CC2D1A: variants seen among roughly 807,000 people sequenced by gnomAD.
CC2D1A encodes coiled-coil and C2 domain-containing protein 1A.
CC2D1A carries 68 observed loss-of-function variants against 123.8 expected under a neutral mutation model. The observed-to-expected ratio is 0.55, with a 90% confidence interval of 0.45 to 0.67. The LOEUF is 0.67. CC2D1A is among the 30% of genes least tolerant of loss of function. The probability of loss-of-function intolerance (pLI) is 0.00; values close to 1 mark genes in which losing one functional copy is unlikely to be tolerated. For missense variants in CC2D1A, 1,185 were observed against 1,290.3 expected (o/e 0.92, Z 1.25); for synonymous variants, 477 against 528.0 (o/e 0.90, Z 1.32).
chr19:13,906,412 G>C lies in CC2D1A; in HGVS notation c.-30G>C. 1 of 1,505,174 alleles carries C rather than the reference G, an allele frequency of 6.6e-7. No individual in the cohort carries two copies. The highest frequency in any genetic ancestry group is 1.2e-5 in the South Asian group (1 of 80,462). 93.2% of individuals were successfully genotyped at this position (1,505,174 alleles called of 1,614,324 possible). ...GAGGCAGGGCAAGGCCGGGCTTGGGGGCAGGTGGTCCGGGCATCCAGCCTT... is the reference window on the plus strand; with the variant it reads ...GAGGCAGGGCAAGGCCGGGCTTGGGCGCAGGTGGTCCGGGCATCCAGCCTT... On this transcript the variant is annotated 5_prime_UTR_variant, in exon 1 of 29. Coordinates refer to ENST00000318003, the MANE Select transcript of CC2D1A (RefSeq NM_017721.5). This position sits in a 1 kb window ranked among gnomAD's most constrained non-coding sequence, Gnocchi z 4.1.
chr19:13,926,065 T>TACACACAC (rs111396032), intron 17 of CC2D1A, among the ~76,000 whole-genome samples: 2,897 of 127,942 alleles, frequency 0.023, 200 homozygotes, highest in African/African-American at 0.097. Context: ...TATGTATATA[T>TACACACAC]ACACACACAC....
rs375971219 is a variant in CC2D1A, at chr19:13,909,885, T to C, written c.123T>C (p.Asp41=). The change falls in exon 2 of 29, where the codon GAT becomes GAC. Residue 41 remains aspartate (D), a synonymous_variant. Coordinates refer to ENST00000318003, the MANE Select transcript of CC2D1A (RefSeq NM_017721.5). ...TGATCCCTGAGGACGGGGCTAACGA[T>C]GAAGAACTGGAGGCTGAGTTCTTGG... ...GLMIPEDGAN[D]EELEAEFLAL... is the part of the protein sequence containing the mutation. 4.5e-6 allele frequency: 7 copies of C among 1,569,422 alleles called. No homozygotes were observed. The African/African-American group carries it at 5.4e-5, about 12-fold the overall frequency.
rs2145390029 is a variant in CC2D1A, at chr19:13,930,450, G to C, written c.*55G>C. On this transcript the variant is annotated 3_prime_UTR_variant, in exon 29 of 29. Transcript: ENST00000318003. This position sits in a 1 kb window ranked among gnomAD's most constrained non-coding sequence, Gnocchi z 6.8. ...AGCGGGCAGCAGGCCCCGATACCGG[G>C]AAGAGCCGACACAGCCACGAACCAG... The C allele has an allele frequency of 1.3e-6, 2 of 1,535,104 alleles. No individual in the cohort carries two copies. Among genetic ancestry groups the C allele is most frequent in the Non-Finnish European group, 1.8e-6 (2 of 1,141,450 alleles).
chr19:13,909,977 C>T lies in CC2D1A; in HGVS notation c.196+19C>T, dbSNP rs1287842128. The T allele has an allele frequency of 4.0e-6, 6 of 1,502,680 alleles. No individual in the cohort carries two copies. Among genetic ancestry groups the T allele is most frequent in the Non-Finnish European group, 4.4e-6 (5 of 1,123,968 alleles). The allele number at this position is 1,502,680 out of a possible 1,614,324, so 93.1% of individuals were successfully genotyped here. Reference sequence around the variant, plus strand: ...GGCAAAGGTGAGATGGTTAACACACCCTCAGAACATTTTCTGATCTCCTGC... The same window carrying T: ...GGCAAAGGTGAGATGGTTAACACACTCTCAGAACATTTTCTGATCTCCTGC... On this transcript the variant is annotated intron_variant, in intron 2 of 28. Transcript: ENST00000318003.
At chr19:13,918,620 T>C in intron 8 of CC2D1A, 44 bp downstream of exon 8, 1 of 1,601,546 alleles carries the variant, frequency 6.2e-7, no homozygotes, top group Middle Eastern at 1.7e-4. Flanking sequence ...GTTTCAGGCA[T>C]ACACTAAGTT....
chr19:13,929,272 A>G (rs1971770504), intron 24 of CC2D1A, 107 bp from the exon 25 acceptor site: 5 of 1,162,084 alleles, frequency 4.3e-6, no homozygotes, highest in South Asian at 3.8e-5. Context: ...CCCAAAGTGC[A>G]GGGATTACAG....
chr19:13,912,354 G>A lies in CC2D1A; in HGVS notation c.228G>A (p.Met76Ile). The A allele has an allele frequency of 6.2e-7, 1 of 1,612,014 alleles. No individual in the cohort carries two copies. The highest frequency in any genetic ancestry group is 2.2e-5 in the East Asian group (1 of 44,800). The change falls in exon 3 of 29, where the codon ATG (methionine) becomes ATA (isoleucine). Residue 76 changes from methionine (M) to isoleucine (I), a missense_variant. Coordinates refer to ENST00000318003, the MANE Select transcript of CC2D1A (RefSeq NM_017721.5). ...GPLPMEAIEK[M>I]ASLCMRDPDE... ...TGCCGATGGAGGCCATTGAGAAGAT[G>A]GCCAGCCTGTGCATGAGAGACCCGG...
chr19:13,929,624 G>A lies in CC2D1A; in HGVS notation c.2674G>A (p.Ala892Thr), dbSNP rs532037297. 4.5e-5 allele frequency: 71 copies of A among 1,581,776 alleles called. No homozygotes were observed. The South Asian group carries it at 6.8e-4, about 15-fold the overall frequency. ...CATGCAACGCAGCCAGTGGCAGAGGGCACAGCTGGAGCAGGGGGGTGTGGG... is the reference window on the plus strand; with the variant it reads ...CATGCAACGCAGCCAGTGGCAGAGGACACAGCTGGAGCAGGGGGGTGTGGG... ...DIMQRSQWQR[A>T]QLEQGGVGIR... The change falls in exon 26 of 29, where the codon GCA (alanine) becomes ACA (threonine). Residue 892 changes from alanine to threonine, a missense_variant. Physicochemically the swap from Ala to Thr is moderately conservative, Grantham distance 58. Transcript: ENST00000318003.
chr19:13,923,293 T>C lies in CC2D1A; in HGVS notation c.1642-40T>C. 1 of 1,578,862 alleles carries C rather than the reference T, an allele frequency of 6.3e-7. No individual in the cohort carries two copies. The highest frequency in any genetic ancestry group is 8.5e-7 in the Non-Finnish European group (1 of 1,169,646). ...TCTGCAGAGCCCTAGGTGGGCCTGC[T>C]TGTCCTCCTTACCCCCGCCACCAGC... is the stretch of plus-strand genomic sequence containing the variant. On this transcript the variant is annotated intron_variant, in intron 14 of 28. Transcript: ENST00000318003. This position sits in a 1 kb window ranked among gnomAD's most constrained non-coding sequence, Gnocchi z 5.3.
intron 14 of CC2D1A, among the ~76,000 whole-genome samples, chr19:13,921,949 A>C (rs10419533): frequency 0.12 from 17,572 of 152,068 alleles, 3,394 homozygotes; most frequent in African/African-American, 0.4. Flanking sequence ...GCCCATGAAG[A>C]CTGCACCATC....
chr19:13,906,624 C>A lies in CC2D1A; in HGVS notation c.60+123C>A. On this transcript the variant is annotated intron_variant, in intron 1 of 28. Coordinates refer to ENST00000318003, the MANE Select transcript of CC2D1A (RefSeq NM_017721.5). This position sits in a 1 kb window ranked among gnomAD's most constrained non-coding sequence, Gnocchi z 4.1. The stretch of plus-strand genomic sequence containing the variant: ...CCCACAGGTAAGCCCCGGTCCCCGC[C>A]TCCCCCCAGGTGAGGCTCCAACACC... 1.7e-6 allele frequency: 1 copy of A among 578,080 alleles called. No homozygotes were observed. The highest frequency in any genetic ancestry group is 2.4e-5 in the South Asian group (1 of 41,526). 35.8% of individuals were successfully genotyped at this position (578,080 alleles called of 1,614,324 possible).
chr19:13,907,178 G>A (rs1425358214), intron 1 of CC2D1A, among the ~76,000 whole-genome samples: 2 of 152,120 alleles, frequency 1.3e-5, no homozygotes, highest in Admixed American at 6.6e-5. Flanking sequence ...AGATGGAGGC[G>A]GAGGCAGAGG....
intron 1 of CC2D1A, among the ~76,000 whole-genome samples, chr19:13,907,008 A>G (rs907313783): frequency 1.3e-5 from 2 of 152,072 alleles, no homozygotes; most frequent in African/African-American, 4.8e-5. Flanking sequence ...CTCAGTTTTG[A>G]TGGAAGGAGC....
chr19:13,927,037 A>T lies in CC2D1A; in HGVS notation c.2185A>T (p.Ile729Phe). Residue 729 changes from isoleucine to phenylalanine, a missense_variant, in exon 21 of 29, where the codon ATC (isoleucine) becomes TTC (phenylalanine). Coordinates refer to ENST00000318003, the MANE Select transcript of CC2D1A (RefSeq NM_017721.5). ...NRSHRGFRRA[I>F]QTKGIKFEVV... ...CAGCCACCGTGGCTTCCGAAGGGCC[A>T]TCCAGACCAAGGGCATCAAGTTCGA... is the stretch of plus-strand genomic sequence containing the variant. The T allele has an allele frequency of 6.2e-7, 1 of 1,614,138 alleles. No individual in the cohort carries two copies. The highest frequency in any genetic ancestry group is 8.5e-7 in the Non-Finnish European group (1 of 1,180,036).
At chr19:13,926,398 G>A (rs900925895) in intron 17 of CC2D1A, 119 bp from the exon 18 acceptor site, 10 of 820,034 alleles carry the variant, frequency 1.2e-5, no homozygotes, top group African/African-American at 1.7e-5. Flanking sequence ...AGACACCCCC[G>A]AAGGCCAGGG....
At chr19:13,926,940 G>A in intron 20 of CC2D1A, 38 bp from the exon 21 acceptor site, 3 of 1,612,500 alleles carry the variant, frequency 1.9e-6, no homozygotes, top group Non-Finnish European at 2.5e-6. Context: ...ACAATGGCCT[G>A]ACCCCACCCA....
chr19:13,919,804 G>C lies in CC2D1A; in HGVS notation c.1223-14G>C, dbSNP rs751407136. On this transcript the variant is annotated splice_polypyrimidine_tract_variant and intron_variant, in intron 11 of 28. Coordinates refer to ENST00000318003, the MANE Select transcript of CC2D1A (RefSeq NM_017721.5). The stretch of plus-strand genomic sequence containing the variant: ...TCCTGACACACAATAACCAGGCCTC[G>C]ACTGGCCACCCAGGCTTCCCCCCAA... 4.1e-5 allele frequency: 65 copies of C among 1,589,066 alleles called. No individual in the cohort carries two copies. Among genetic ancestry groups the C allele is most frequent in the Non-Finnish European group, 5.3e-5 (62 of 1,164,096 alleles).
At chr19:13,925,437 G>A (rs10419463) in intron 17 of CC2D1A, among the ~76,000 whole-genome samples, 9,133 of 152,066 alleles carry the variant, frequency 0.06, 900 homozygotes, top group African/African-American at 0.21. Context: ...AAAATTATCC[G>A]GGCGTGGTGG....
chr19:13,907,330 G>A (rs1970796638), intron 1 of CC2D1A, among the ~76,000 whole-genome samples: 2 of 152,032 alleles, frequency 1.3e-5, no homozygotes, highest in Admixed American at 1.3e-4. Context: ...AGGATTGCTT[G>A]AGCCCAGGAG....
Sources: gnomAD v4.1 joint callset for allele counts (sites outside exome capture counted in the v4.1 genomes callset) on GRCh38, gnomAD v4.1.1 for gene constraint, Gnocchi (gnomAD v3.1) non-coding constraint, MANE v1.5 for transcripts, NCBI Gene and HGNC (gene_info 2026-07-23, HGNC 2026-07-21) for gene names.